EPB41L5: variants seen among roughly 807,000 people sequenced by gnomAD.
The protein encoded by EPB41L5 is band 4.1-like protein 5.
EPB41L5 carries 55 observed loss-of-function variants against 106.6 expected under a neutral mutation model. The observed-to-expected ratio is 0.52, with a 90% CI of 0.42 to 0.65. EPB41L5 has a LOEUF of 0.65. Among genes scored for constraint, EPB41L5 ranks in the 30% least tolerant of loss-of-function variants. The pLI is 0.00. For missense variants in EPB41L5, 871 were observed against 882.1 expected, an observed-to-expected ratio of 0.99 and a Z score of 0.16; for synonymous variants, 297 against 306.7, an observed-to-expected ratio of 0.97 and a Z score of 0.33.
chr2:120,107,232 A>G (rs973681227), intron 16 of EPB41L5, among the ~76,000 whole-genome samples: 1 of 152,080 alleles, frequency 6.6e-6, no homozygotes, highest in Admixed American at 6.5e-5. Flanking sequence ...GAGCCATGGT[A>G]CTGTCTTTGG....
At chr2:120,163,272 C>CGA (rs1553515959) in intron 21 of EPB41L5, among the ~76,000 whole-genome samples, 1 of 106,080 alleles carries the variant, frequency 9.4e-6, no homozygotes, top group Non-Finnish European at 1.9e-5. Context: ...CCCCCCCCCC[C>CGA]AAAAAAAGAA....
At position 120,042,005 on chromosome 2, in the gene EPB41L5, GA is replaced by G; in HGVS notation, c.186del (p.Ala63ProfsTer16). 6.2e-7 allele frequency: 1 copy of G among 1,607,722 alleles called. No homozygotes were observed. Among genetic ancestry groups the G allele is most frequent in the South Asian group, 1.1e-5 (1 of 89,766 alleles). ...DGTDVSVDLPKKAKGQELFDQ... is the reference protein window; with the variant it reads ...DGTDVSVDLPXKAKGQELFDQ... Reference sequence around the variant, plus strand: ...ATTTACTTATTATCTTGCCATTTCAGAAAAAAGCCAAAGGACAAGAGTTGTT... The same window carrying G: ...ATTTACTTATTATCTTGCCATTTCAGAAAAAGCCAAAGGACAAGAGTTGTT... On this transcript the variant is annotated frameshift_variant and splice_region_variant, in exon 3 of 25. Coordinates refer to ENST00000263713, the MANE Select transcript of EPB41L5 (RefSeq NM_020909.4). LOFTEE classifies it high-confidence loss of function.
At chr2:120,153,706 ATCT>A (rs1228782687) in intron 20 of EPB41L5, among the ~76,000 whole-genome samples, 1 of 152,090 alleles carries the variant, frequency 6.6e-6, no homozygotes. Context: ...TAATTGTTAT[ATCT>A]TCTTGATGGA....
At chr2:120,104,152 C>A (rs1216085841) in intron 16 of EPB41L5, 2 of 1,536,072 alleles carry the variant, frequency 1.3e-6, no homozygotes, top group East Asian at 2.4e-5. Context: ...AGAAACTACA[C>A]TGACTTTGTT....
intron 16 of EPB41L5, among the ~76,000 whole-genome samples, chr2:120,110,709 A>G (rs1341826205): frequency 1.4e-5 from 2 of 144,928 alleles, no homozygotes; most frequent in East Asian, 2.0e-4. Flanking sequence ...ATCTCTGCTT[A>G]CTGCAGCCTC....
rs369262287 is a variant in EPB41L5, at chr2:120,141,018, A to G, written c.1600-1985A>G. On this transcript the variant is annotated intron_variant, in intron 18 of 24. Transcript: ENST00000263713. Reference sequence around the variant, plus strand: ...CTGAGAATGTCTTAGCCAGCAACCTAATCTTAAGGCTCAGACTAGCACTAC... The same window carrying G: ...CTGAGAATGTCTTAGCCAGCAACCTGATCTTAAGGCTCAGACTAGCACTAC... Among the ~76,000 whole-genome samples, 118 of 152,174 alleles carry G rather than the reference A, an allele frequency of 7.8e-4. 1 individual carries two copies. The South Asian group carries it at 0.01, about 13-fold the overall frequency.
At chr2:120,026,654 C>G (rs1457436936) in intron 2 of EPB41L5, among the ~76,000 whole-genome samples, 1 of 152,036 alleles carries the variant, frequency 6.6e-6, no homozygotes, top group Non-Finnish European at 1.5e-5. Flanking sequence ...CAGGCGTGAG[C>G]CACTGCGCCC....
chr2:120,162,197 A>G (rs1193586561), intron 21 of EPB41L5, among the ~76,000 whole-genome samples: 2 of 152,342 alleles, frequency 1.3e-5, no homozygotes, highest in African/African-American at 4.8e-5. Flanking sequence ...ACAGGGACCT[A>G]TCACTATCAC....
In EPB41L5 at chr2:120,089,195, A is replaced by G. The variant is rs1010574730; in HGVS notation, c.874-1152A>G. Reference sequence around the variant, plus strand: ...AATAACCTGAAAAGTACCAAAAATTATAAAATAGATAACCATCTTATTAAT... The same window carrying G: ...AATAACCTGAAAAGTACCAAAAATTGTAAAATAGATAACCATCTTATTAAT... On this transcript the variant is annotated intron_variant, in intron 11 of 24. Transcript: ENST00000263713. Among the ~76,000 whole-genome samples, 41 of 152,148 alleles carry G rather than the reference A, an allele frequency of 2.7e-4. 1 individual carries two copies. The highest frequency in any genetic ancestry group is 8.0e-4 in the African/African-American group (33 of 41,446).
At chr2:120,056,668 T>C (rs1285527778) in intron 3 of EPB41L5, among the ~76,000 whole-genome samples, 3 of 84,424 alleles carry the variant, frequency 3.6e-5, no homozygotes, top group Non-Finnish European at 6.5e-5. Flanking sequence ...GTAGTTTTCT[T>C]GTGACTTTTT....
intron 16 of EPB41L5, among the ~76,000 whole-genome samples, chr2:120,111,253 G>A (rs1418394084): frequency 6.6e-6 from 1 of 152,150 alleles, no homozygotes; most frequent in African/African-American, 2.4e-5. Flanking sequence ...CCACGGATTT[G>A]GGAGAAAATA....
intron 4 of EPB41L5, 103 bp from the exon 5 acceptor site, chr2:120,073,997 C>T (rs1041948802): frequency 6.1e-6 from 5 of 825,836 alleles, no homozygotes; most frequent in Non-Finnish European, 9.5e-6. Flanking sequence ...ATAAAAACCT[C>T]ATCTTTTGTC....
chr2:120,056,254 G>C (rs1342412624), intron 3 of EPB41L5, among the ~76,000 whole-genome samples: 4 of 150,538 alleles, frequency 2.7e-5, no homozygotes, highest in Non-Finnish European at 3.0e-5. Context: ...TTTTAATGTT[G>C]AACCAACCTT....
intron 24 of EPB41L5, among the ~76,000 whole-genome samples, chr2:120,172,826 T>G (rs1380219679): frequency 6.6e-6 from 1 of 151,832 alleles, no homozygotes; most frequent in Admixed American, 6.6e-5. Flanking sequence ...GGATATAGAG[T>G]TGCAGAAAGG....
Position 120,167,915 on chromosome 2 carries a change from A to G in EPB41L5, c.2043A>G (p.Glu681=). The change falls in exon 24 of 25, where the codon GAA becomes GAG. Residue 681 remains glutamate, a synonymous_variant. Coordinates refer to ENST00000263713, the MANE Select transcript of EPB41L5 (RefSeq NM_020909.4). The part of the protein sequence containing the change: ...GAMSNGLAGC[E]MLLTGKEGHG... The stretch of plus-strand genomic sequence containing the variant: ...TGTCTAATGGACTTGCGGGATGTGA[A>G]ATGCTTTTGACAGGGAAGGAGGGAC... The G allele has an allele frequency of 6.2e-7, 1 of 1,614,112 alleles. No homozygotes were observed. Among genetic ancestry groups the G allele is most frequent in the Non-Finnish European group, 8.5e-7 (1 of 1,179,994 alleles).
chr2:120,048,533 A>G (rs1433945090), intron 3 of EPB41L5, among the ~76,000 whole-genome samples: 2 of 150,428 alleles, frequency 1.3e-5, no homozygotes, highest in African/African-American at 2.4e-5. Flanking sequence ...TATTGCGTCT[A>G]TTTGATTCTT....
At chr2:120,124,276 C>G (rs1180422040) in intron 16 of EPB41L5, among the ~76,000 whole-genome samples, 1 of 152,142 alleles carries the variant, frequency 6.6e-6, no homozygotes, top group Non-Finnish European at 1.5e-5. Context: ...ATCATCTGAC[C>G]TTGGTACATT....
chr2:120,110,896 C>T (rs1283705788), intron 16 of EPB41L5, among the ~76,000 whole-genome samples: 3 of 152,088 alleles, frequency 2.0e-5, no homozygotes, highest in African/African-American at 7.2e-5. Context: ...CCCGCCTTGG[C>T]CTCCCAAAGT....
intron 13 of EPB41L5, among the ~76,000 whole-genome samples, chr2:120,092,564 G>T (rs190799694): frequency 1.4e-4 from 22 of 152,240 alleles, no homozygotes; most frequent in Admixed American, 1.3e-3. Flanking sequence ...AAATGAATTT[G>T]CATTAAAATG....
Sources: allele counts gnomAD v4.1 joint callset (sites outside exome capture counted in the v4.1 genomes callset), GRCh38; gene constraint gnomAD v4.1.1; transcripts MANE v1.5; gene names NCBI Gene and HGNC (gene_info 2026-07-23, HGNC 2026-07-21).